RRAS2: variants seen among roughly 807,000 people sequenced by gnomAD.
RRAS2 encodes ras-related protein R-Ras2.
Under a neutral mutation model 27.6 loss-of-function variants are expected in RRAS2, and 7 were observed. That is an observed-to-expected ratio of 0.25 (90% CI 0.14 to 0.48). The LOEUF is 0.48. Ranked by LOEUF, RRAS2 falls within the 20% of genes least tolerant of loss-of-function variation. RRAS2 has a pLI of 0.99. For missense variants in RRAS2, 178 were observed against 256.2 expected (o/e 0.69, Z 2.08); for synonymous variants, 86 against 90.9 (o/e 0.95, Z 0.31).
chr11:14,333,719 T>C (rs1289138489), intron 1 of RRAS2, among the ~76,000 whole-genome samples: 1 of 140,154 alleles, frequency 7.1e-6, no homozygotes, highest in Non-Finnish European at 1.5e-5. Context: ...CACAGCTCAC[T>C]GCAACCTCGA....
At chr11:14,293,126 TATA>T in intron 4 of RRAS2, among the ~76,000 whole-genome samples, 1 of 39,938 alleles carries the variant, frequency 2.5e-5, no homozygotes, top group Non-Finnish European at 6.4e-5. Flanking sequence ...ACAAAACAAA[TATA>T]TATATATATA....
chr11:14,282,503 G>A (rs1849567950), intron 4 of RRAS2, among the ~76,000 whole-genome samples: 1 of 152,126 alleles, frequency 6.6e-6, no homozygotes, highest in African/African-American at 2.4e-5. Context: ...TAAATGTAAG[G>A]ATTTGAATAG....
At chr11:14,291,208 T>C (rs1849806261) in intron 4 of RRAS2, among the ~76,000 whole-genome samples, 1 of 152,110 alleles carries the variant, frequency 6.6e-6, no homozygotes, top group Admixed American at 6.6e-5. Context: ...AAGAAAGTGT[T>C]ACAGGTTGAA....
intron 4 of RRAS2, among the ~76,000 whole-genome samples, chr11:14,290,342 A>G (rs1849777335): frequency 6.6e-6 from 1 of 152,164 alleles, no homozygotes; most frequent in African/African-American, 2.4e-5. Flanking sequence ...CCAGCTACTC[A>G]GGAGGCTGAG....
At chr11:14,293,557 T>C (rs1265005246) in intron 4 of RRAS2, among the ~76,000 whole-genome samples, 2 of 150,836 alleles carry the variant, frequency 1.3e-5, no homozygotes. Context: ...TCATCCGCGG[T>C]TTCCCCCATC....
chr11:14,346,885 T>A (rs1276642689), intron 1 of RRAS2, among the ~76,000 whole-genome samples: 1 of 152,172 alleles, frequency 6.6e-6, no homozygotes, highest in African/African-American at 2.4e-5. Context: ...CCAGGCACAG[T>A]GGTTCACGCC....
chr11:14,329,076 C>T (rs980175860), intron 1 of RRAS2, among the ~76,000 whole-genome samples: 7 of 149,122 alleles, frequency 4.7e-5, no homozygotes, highest in Admixed American at 3.3e-4. Context: ...CATACACACA[C>T]ACACACACAC....
intron 1 of RRAS2, among the ~76,000 whole-genome samples, chr11:14,349,824 G>A (rs1346947888): frequency 6.6e-6 from 1 of 152,170 alleles, no homozygotes; most frequent in Non-Finnish European, 1.5e-5. Flanking sequence ...GTGTAGTTAA[G>A]TTACTCATTT....
upstream of RRAS2, among the ~76,000 whole-genome samples, chr11:14,360,195 TAA>T (rs71041599): frequency 0.31 from 43,218 of 139,330 alleles, 7,094 homozygotes; most frequent in South Asian, 0.43. Flanking sequence ...ACATGCCATT[TAA>T]AAAAAAAAAA....
intron 1 of RRAS2, among the ~76,000 whole-genome samples, chr11:14,302,368 T>C (rs1287949176): frequency 1.3e-5 from 2 of 152,198 alleles, no homozygotes; most frequent in African/African-American, 4.8e-5. Flanking sequence ...TATTAATAGA[T>C]GCATTTATAT....
Position 14,348,224 on chromosome 11 carries a change from G to C in RRAS2, c.108+10539C>G, listed in dbSNP as rs556623777. Among the ~76,000 whole-genome samples, 19 of 152,270 alleles carry C rather than the reference G, an allele frequency of 1.2e-4. No homozygotes were observed. In the South Asian group the frequency reaches 3.9e-3, roughly 32 times the overall value. Reference sequence around the variant, plus strand: ...AACAAACTCTGCTCATTATTATTATGTAGAGTAACATCAAAGATGTTGACT... The same window carrying C: ...AACAAACTCTGCTCATTATTATTATCTAGAGTAACATCAAAGATGTTGACT... On this transcript the variant is annotated intron_variant, in intron 1 of 5. Coordinates refer to ENST00000256196, the MANE Select transcript of RRAS2 (RefSeq NM_012250.6).
intron 1 of RRAS2, among the ~76,000 whole-genome samples, chr11:14,322,768 C>CA (rs1223861635): frequency 1.3e-5 from 2 of 152,128 alleles, no homozygotes; most frequent in African/African-American, 4.8e-5. Context: ...CCATACCCAT[C>CA]AAGATTCCGG....
intron 1 of RRAS2, among the ~76,000 whole-genome samples, chr11:14,329,707 C>T (rs1848446921): frequency 6.6e-6 from 1 of 152,036 alleles, no homozygotes; most frequent in South Asian, 2.1e-4. Context: ...AAGCAGAAAT[C>T]AACAAAGACT....
chr11:14,280,726 CAAAAAAAAAAAAAAAAAAA>C (rs58781581), intron 5 of RRAS2, among the ~76,000 whole-genome samples: 21 of 48,334 alleles, frequency 4.3e-4, no homozygotes, highest in South Asian at 1.1e-3. Flanking sequence ...ACTCTGTTTC[CAAAAAAAAAAAAAAAAAAA>C]AAAAAAAAAA....
At chr11:14,301,319 T>C (rs1250295297) in intron 1 of RRAS2, among the ~76,000 whole-genome samples, 1 of 152,222 alleles carries the variant, frequency 6.6e-6, no homozygotes, top group Non-Finnish European at 1.5e-5. Flanking sequence ...GTGATCCTTT[T>C]TTAACCCTGA....
intron 1 of RRAS2, among the ~76,000 whole-genome samples, chr11:14,304,500 G>A (rs1554947841): frequency 6.6e-6 from 1 of 152,120 alleles, no homozygotes; most frequent in East Asian, 1.9e-4. Context: ...TGTCTTTTGG[G>A]TTTCAAAAGA....
chr11:14,296,007 CT>C, intron 1 of RRAS2, 152 bp from the exon 2 acceptor site: 1 of 517,444 alleles, frequency 1.9e-6, no homozygotes, highest in East Asian at 3.3e-5. Context: ...ACTCTTATCT[CT>C]TAAAAAAAAA....
At chr11:14,295,703 A>G in intron 2 of RRAS2, 65 bp downstream of exon 2, 1 of 1,201,810 alleles carries the variant, frequency 8.3e-7, no homozygotes, top group Non-Finnish European at 1.2e-6. Context: ...ACATAGCAAA[A>G]CATCAGCGCT....
At chr11:14,291,062 T>A (rs1247571146) in intron 4 of RRAS2, among the ~76,000 whole-genome samples, 2 of 152,200 alleles carry the variant, frequency 1.3e-5, no homozygotes, top group African/African-American at 4.8e-5. Context: ...GAACAGTTTA[T>A]CCATGTAAGT....
Sources: allele counts gnomAD v4.1 joint callset (sites outside exome capture counted in the v4.1 genomes callset), GRCh38; gene constraint gnomAD v4.1.1; transcripts MANE v1.5; gene names NCBI Gene and HGNC (gene_info 2026-07-23, HGNC 2026-07-21).